The following SIRT5 variants were observed in gnomAD, a reference collection of about 807,000 sequenced individuals.
SIRT5 encodes the protein NAD-dependent protein deacylase sirtuin-5, mitochondrial.
SIRT5 carries 26 observed loss-of-function variants against 40.0 expected under a neutral mutation model. The ratio of observed to expected loss-of-function variants is 0.65; its 90% CI spans 0.48 to 0.90. The LOEUF is 0.90. Among genes scored for constraint, SIRT5 ranks in the 40% least tolerant of loss-of-function variants. The pLI is 0.00. For missense variants in SIRT5, 401 were observed against 402.4 expected (o/e 1.00, Z 0.03); for synonymous variants, 146 against 149.1 (o/e 0.98, Z 0.15).
At chr6:13,576,472 G>A (rs1241128720) in intron 1 of SIRT5, among the ~76,000 whole-genome samples, 1 of 152,118 alleles carries the variant, frequency 6.6e-6, no homozygotes, top group East Asian at 1.9e-4. Flanking sequence ...ACCTGTTCAG[G>A]TTCTTTGTCC....
At chr6:13,590,102 G>T (rs1346874757) in intron 4 of SIRT5, among the ~76,000 whole-genome samples, 1 of 152,162 alleles carries the variant, frequency 6.6e-6, no homozygotes, top group Non-Finnish European at 1.5e-5. Context: ...CCTTGATAAA[G>T]AAGCCATATT....
At chr6:13,611,485 CAG>C (rs1476337170) in intron 9 of SIRT5, among the ~76,000 whole-genome samples, 1 of 151,778 alleles carries the variant, frequency 6.6e-6, no homozygotes, top group Non-Finnish European at 1.5e-5. Context: ...AAAAAACAAA[CAG>C]AATACACTTT....
rs1584756896 is a variant in SIRT5 at position 13,584,076 on chromosome 6, C to A, written c.-35C>A. 1 of 1,484,946 alleles carries A rather than the reference C, an allele frequency of 6.7e-7. No individual in the cohort carries two copies. Among genetic ancestry groups the A allele is most frequent in the Non-Finnish European group, 9.4e-7 (1 of 1,068,492 alleles). The allele number at this position is 1,484,946 out of a possible 1,614,324, so 92.0% of individuals were successfully genotyped here. A position where few individuals can be genotyped will look rare whatever the true frequency, so the allele number is the denominator to read the frequency against. On this transcript the variant is annotated splice_region_variant and 5_prime_UTR_variant, in exon 3 of 10. Coordinates refer to ENST00000606117, the MANE Select transcript of SIRT5 (RefSeq NM_012241.5). Reference sequence around the variant, plus strand: ...ATTTGTTTTTGTGATTTTTCTAAAGCCCGCCTCAAGCATTAGAACTACAGA... The same window carrying A: ...ATTTGTTTTTGTGATTTTTCTAAAGACCGCCTCAAGCATTAGAACTACAGA...
chr6:13,605,875 C>T, intron 9 of SIRT5: 4 of 946,262 alleles, frequency 4.2e-6, no homozygotes, highest in Non-Finnish European at 5.0e-6. Context: ...GCCCACTGTG[C>T]CCTGCAGCCA....
intron 5 of SIRT5, among the ~76,000 whole-genome samples, chr6:13,594,171 C>G (rs1239687193): frequency 6.6e-6 from 1 of 152,152 alleles, no homozygotes; most frequent in Non-Finnish European, 1.5e-5. Flanking sequence ...CCCGGTCAGG[C>G]CACGGAGAAT....
chr6:13,589,719 G>C (rs1760571921), intron 4 of SIRT5, among the ~76,000 whole-genome samples: 1 of 152,176 alleles, frequency 6.6e-6, no homozygotes, highest in Non-Finnish European at 1.5e-5. Flanking sequence ...GGAGAAAGGA[G>C]AGCAGAGAAC....
At chr6:13,606,966 G>A (rs1244882679) in intron 9 of SIRT5, among the ~76,000 whole-genome samples, 1 of 150,354 alleles carries the variant, frequency 6.7e-6, no homozygotes, top group Non-Finnish European at 1.5e-5. Context: ...ACAGGCGTGA[G>A]CCAACACACT....
intron 9 of SIRT5, 21 bp downstream of exon 9, chr6:13,600,970 G>C: frequency 6.3e-7 from 1 of 1,578,592 alleles, no homozygotes; most frequent in Non-Finnish European, 8.7e-7. Flanking sequence ...ACCCTGATGG[G>C]AGAGGGAGAT....
At chr6:13,600,799 G>C in intron 8 of SIRT5, 35 bp from the exon 9 acceptor site, 1 of 1,484,710 alleles carries the variant, frequency 6.7e-7, no homozygotes, top group Non-Finnish European at 9.3e-7. Context: ...CTTGTCGTCT[G>C]GCTGTTTGTT....
chr6:13,603,334 AATATTTG>A (rs1762665475), intron 9 of SIRT5, among the ~76,000 whole-genome samples: 1 of 152,006 alleles, frequency 6.6e-6, no homozygotes, highest in African/African-American at 2.4e-5. Flanking sequence ...TTGTAAGTCT[AATATTTG>A]ATATTTGATA....
chr6:13,590,471 CTG>C (rs1760711240), intron 4 of SIRT5, among the ~76,000 whole-genome samples: 1 of 151,364 alleles, frequency 6.6e-6, no homozygotes, highest in Non-Finnish European at 1.5e-5. Context: ...ATGTGTGTAG[CTG>C]TGTATATATG....
At chr6:13,594,977 T>C (rs954918769) in intron 5 of SIRT5, among the ~76,000 whole-genome samples, 2 of 152,250 alleles carry the variant, frequency 1.3e-5, no homozygotes, top group Non-Finnish European at 2.9e-5. Flanking sequence ...CATTGAACCT[T>C]TGTCAGTCAT....
rs753500895 is a variant in SIRT5, at chr6:13,591,869, C to T, written c.450C>T (p.Gly150=). 6.2e-7 allele frequency: 1 copy of T among 1,613,474 alleles called. No homozygotes were observed. Among genetic ancestry groups the T allele is most frequent in the Non-Finnish European group, 8.5e-7 (1 of 1,179,520 alleles). The change falls in exon 5 of 10, where the codon GGC becomes GGT. Residue 150 remains glycine, a synonymous_variant. Coordinates refer to ENST00000606117, the MANE Select transcript of SIRT5 (RefSeq NM_012241.5). ...QNIDELHRKA[G]TKNLLEIHGS... The stretch of plus-strand genomic sequence containing the variant: ...TCGATGAGCTGCACCGCAAGGCTGG[C>T]ACCAAGAACCTTCTGGAGATCCATG...
chr6:13,605,351 T>C (rs1041499447), intron 9 of SIRT5: 6 of 957,052 alleles, frequency 6.3e-6, no homozygotes, highest in Non-Finnish European at 7.5e-6. Context: ...GCCTAAAATA[T>C]GTCCTGTGTG....
Position 13,584,178 on chromosome 6 carries a change from C to A in SIRT5, c.68C>A (p.Ala23Glu). Residue 23 changes from alanine (A) to glutamate (E), a missense_variant, in exon 3 of 10, where the codon GCG (alanine) becomes GAG (glutamate). Coordinates refer to ENST00000606117, the MANE Select transcript of SIRT5 (RefSeq NM_012241.5). ...CTATATTGTGGCCTGAAGCCTCCAG[C>A]GTCCACACGAAACCAGATTTGCCTG... ...SQLYCGLKPP[A>E]STRNQICLKM... 1.2e-6 allele frequency: 2 copies of A among 1,614,130 alleles called. No individual in the cohort carries two copies. The highest frequency in any genetic ancestry group is 1.7e-6 in the Non-Finnish European group (2 of 1,180,024).
At chr6:13,587,475 C>G (rs2127638233) in intron 3 of SIRT5, among the ~76,000 whole-genome samples, 1 of 151,528 alleles carries the variant, frequency 6.6e-6, no homozygotes, top group South Asian at 2.1e-4. Context: ...TGCTTCTTGT[C>G]CTAGGATGAG....
At chr6:13,602,885 G>A (rs532697353) in intron 9 of SIRT5, among the ~76,000 whole-genome samples, 2 of 152,240 alleles carry the variant, frequency 1.3e-5, no homozygotes, top group South Asian at 4.2e-4. Context: ...TCTTAGATAT[G>A]ACACCAAAAG....
In SIRT5 at chr6:13,612,762, A is replaced by G. The variant is rs1350079730; in HGVS notation, c.*897A>G. ...AACAAGGTAGAACATCACGATGAGA[A>G]GAAAGAATGATGCAAATATGTGGAC... On this transcript the variant is annotated 3_prime_UTR_variant, in exon 10 of 10. Transcript: ENST00000606117. The G allele has an allele frequency of 6.6e-6, 1 of 152,278 alleles. No homozygotes were observed. The highest frequency in any genetic ancestry group is 1.5e-5 in the Non-Finnish European group (1 of 68,096). The allele number at this position is 152,278 out of a possible 1,614,324, so 9.4% of individuals were successfully genotyped here.
Sources: allele counts gnomAD v4.1 joint callset (sites outside exome capture counted in the v4.1 genomes callset), GRCh38; gene constraint gnomAD v4.1.1; transcripts MANE v1.5; gene names NCBI Gene and HGNC (gene_info 2026-07-23, HGNC 2026-07-21).